TENM3: variants seen among roughly 807,000 people sequenced by gnomAD.
TENM3 encodes the protein teneurin transmembrane protein 3.
In TENM3, 63 loss-of-function variants were observed where a neutral mutation model predicts 255.1. The ratio of observed to expected loss-of-function variants is 0.25; its 90% CI spans 0.20 to 0.30. The LOEUF (loss-of-function observed/expected upper bound fraction) is 0.30. Ranked by LOEUF, TENM3 falls within the 10% of genes least tolerant of loss-of-function variation. The pLI, the probability that TENM3 is intolerant of heterozygous loss-of-function variation, is 1.00. For synonymous variants in TENM3, 1,306 were observed against 1,322.3 expected (o/e 0.99, Z 0.27); for missense variants, 2,929 against 3,461.1 (o/e 0.85, Z 3.86).
the TENM3 span, among the ~76,000 whole-genome samples, chr4:181,862,270 G>A: frequency 6.6e-6 from 1 of 151,906 alleles, no homozygotes; most frequent in Admixed American, 6.6e-5. Flanking sequence ...AAACTAGGGA[G>A]AACTGCATGT....
the TENM3 span, among the ~76,000 whole-genome samples, chr4:181,538,754 G>C: frequency 6.6e-6 from 1 of 152,254 alleles, no homozygotes; most frequent in Non-Finnish European, 1.5e-5. Flanking sequence ...TGAAGTGTTC[G>C]TTTTCTTCTT....
the TENM3 span, among the ~76,000 whole-genome samples, chr4:181,623,156 T>C: frequency 6.6e-6 from 1 of 152,206 alleles, no homozygotes; most frequent in Non-Finnish European, 1.5e-5. Flanking sequence ...AGGATCAGTA[T>C]TCCATCAGAC....
chr4:182,701,481 A>G (rs753632818), intron 12 of TENM3, among the ~76,000 whole-genome samples: 7 of 151,590 alleles, frequency 4.6e-5, no homozygotes, highest in African/African-American at 1.5e-4. Context: ...CGGCCTCCCA[A>G]TATGCTGGGA....
At chr4:182,101,366 GGGAA>G in the TENM3 span, among the ~76,000 whole-genome samples, 481 of 145,624 alleles carry the variant, frequency 3.3e-3, 10 homozygotes, top group East Asian at 0.027. Flanking sequence ...GAGGGAGGGA[GGGAA>G]GGAAGGAAGG....
At chr4:181,958,649 A>C in the TENM3 span, among the ~76,000 whole-genome samples, 1 of 152,078 alleles carries the variant, frequency 6.6e-6, no homozygotes, top group Non-Finnish European at 1.5e-5. Flanking sequence ...GTCTCCCTTG[A>C]CCTCAAGCCA....
At chr4:182,421,197 C>T (rs1200425519) in intron 3 of TENM3, among the ~76,000 whole-genome samples, 1 of 152,178 alleles carries the variant, frequency 6.6e-6, no homozygotes, top group African/African-American at 2.4e-5. Flanking sequence ...ACCCCCTCTT[C>T]ATCTTCATCT....
At chr4:182,420,407 A>G (rs1770737388) in intron 3 of TENM3, among the ~76,000 whole-genome samples, 2 of 152,022 alleles carry the variant, frequency 1.3e-5, no homozygotes. Flanking sequence ...TTTCTCTCTC[A>G]GTCACCACAC....
intron 3 of TENM3, among the ~76,000 whole-genome samples, chr4:182,456,596 A>G (rs951163117): frequency 1.3e-5 from 2 of 152,218 alleles, no homozygotes; most frequent in African/African-American, 4.8e-5. Flanking sequence ...ATGTATATAC[A>G]TTGATAAAGA....
At chr4:181,557,532 T>TA in the TENM3 span, among the ~76,000 whole-genome samples, 1 of 152,052 alleles carries the variant, frequency 6.6e-6, no homozygotes, top group Non-Finnish European at 1.5e-5. Context: ...ATTTCTTTTC[T>TA]TTTTTTTCTT....
the TENM3 span, among the ~76,000 whole-genome samples, chr4:181,972,453 A>G: frequency 2.6e-5 from 4 of 151,672 alleles, no homozygotes; most frequent in Admixed American, 2.6e-4. Flanking sequence ...AAAAAAAAAA[A>G]AAATTCAAAC....
At chr4:182,269,224 G>A (rs1299217091) in intron 1 of TENM3, among the ~76,000 whole-genome samples, 1 of 152,150 alleles carries the variant, frequency 6.6e-6, no homozygotes, top group Non-Finnish European at 1.5e-5. Context: ...GGTCTTCAGG[G>A]GTGTTTCTGT....
At chr4:182,373,672 G>A (rs1016467151) in intron 3 of TENM3, among the ~76,000 whole-genome samples, 2 of 152,126 alleles carry the variant, frequency 1.3e-5, no homozygotes, top group Admixed American at 1.3e-4. Context: ...AACATTGGGT[G>A]TCATATTTCA....
chr4:182,085,074 TAA>T, the TENM3 span: 6 of 152,142 alleles, frequency 3.9e-5, no homozygotes, highest in African/African-American at 1.4e-4. Flanking sequence ...TTGCCATCCA[TAA>T]AGAAAGAGGA....
the TENM3 span, among the ~76,000 whole-genome samples, chr4:181,685,650 A>G: frequency 6.6e-6 from 1 of 152,306 alleles, no homozygotes; most frequent in African/African-American, 2.4e-5. Context: ...ACTGAATCAT[A>G]CCTAAAGAGC....
At chr4:182,214,510 T>TTTATTTATTTA (rs1464213450) in intron 1 of TENM3, among the ~76,000 whole-genome samples, 1 of 129,104 alleles carries the variant, frequency 7.7e-6, no homozygotes, top group African/African-American at 3.1e-5. Context: ...ATTCTATTTA[T>TTTATTTATTTA]TGTATTTATT....
chr4:182,017,580 A>G, the TENM3 span, among the ~76,000 whole-genome samples: 1 of 152,240 alleles, frequency 6.6e-6, no homozygotes, highest in African/African-American at 2.4e-5. Context: ...TATGAAATAC[A>G]GACACACACA....
At chr4:182,674,943 C>A (rs1425944839) in intron 7 of TENM3, among the ~76,000 whole-genome samples, 1 of 152,046 alleles carries the variant, frequency 6.6e-6, no homozygotes, top group African/African-American at 2.4e-5. Flanking sequence ...ATGGCATGAT[C>A]TCGGCTCGCC....
rs183864904 is a variant in TENM3, at chr4:182,726,131, C to T, written c.2369-2834C>T. Among the ~76,000 whole-genome samples the T allele has an allele frequency of 1.3e-3, 198 of 152,146 alleles. 1 individual carries two copies. The highest frequency in any genetic ancestry group is 2.3e-3 in the Non-Finnish European group (159 of 67,998). ...TTCATGTGTATGGAAATTATGGTAA[C>T]AAAAAACTTAAAATATTAGTGTGAA... On this transcript the variant is annotated intron_variant, in intron 13 of 27. Transcript: ENST00000511685.
the TENM3 span, among the ~76,000 whole-genome samples, chr4:182,046,885 T>C: frequency 6.6e-6 from 1 of 152,214 alleles, no homozygotes; most frequent in Middle Eastern, 3.2e-3. Flanking sequence ...CGTGCAGATA[T>C]CGTCAATGTT....
Sources: gnomAD v4.1 joint callset for allele counts (sites outside exome capture counted in the v4.1 genomes callset) on GRCh38, gnomAD v4.1.1 for gene constraint, MANE v1.5 for transcripts, NCBI Gene and HGNC (gene_info 2026-07-23, HGNC 2026-07-21) for gene names.